SVOP: variants seen among roughly 807,000 people sequenced by gnomAD.
SVOP encodes synaptic vesicle 2-related protein.
A neutral mutation model predicts 69.1 loss-of-function variants in SVOP; 17 were observed. The observed-to-expected ratio is 0.25, with a 90% confidence interval of 0.17 to 0.37. SVOP has a LOEUF of 0.37. Among genes scored for constraint, SVOP ranks in the 10% least tolerant of loss-of-function variants. The pLI is 1.00. For synonymous variants in SVOP, 238 were observed against 238.6 expected, an observed-to-expected ratio of 1.00 and a Z score of 0.02; for missense variants, 435 against 597.5, an observed-to-expected ratio of 0.73 and a Z score of 2.84.
At chr12:108,944,390 C>A (rs375477550) in intron 7 of SVOP, among the ~76,000 whole-genome samples, 102 of 152,272 alleles carry the variant, frequency 6.7e-4, no homozygotes, top group Middle Eastern at 3.4e-3. Flanking sequence ...TGGTAAGAAG[C>A]AGATGTAGTC....
rs1002670051 is a variant in SVOP at position 108,966,761 on chromosome 12, T to C, written c.453+5644A>G. Among the ~76,000 whole-genome samples, 4 of 152,292 alleles carry C rather than the reference T, an allele frequency of 2.6e-5. No homozygotes were observed. In the East Asian group the frequency reaches 7.7e-4, roughly 29 times the overall value. ...TGGCGGGACACCATATGGGCAGCCT[T>C]CCTGGGCTTCATCTATTTGGGATGA... On this transcript the variant is annotated intron_variant, in intron 5 of 15. Transcript: ENST00000610966.
chr12:108,939,866 C>G (rs1489244628), intron 8 of SVOP, among the ~76,000 whole-genome samples: 2 of 147,350 alleles, frequency 1.4e-5, no homozygotes, highest in Non-Finnish European at 3.1e-5. Flanking sequence ...AGTGACTGTG[C>G]AGTCTCCACT....
chr12:108,958,293 C>T (rs570780813), intron 6 of SVOP, among the ~76,000 whole-genome samples: 4 of 138,594 alleles, frequency 2.9e-5, no homozygotes, highest in African/African-American at 1.0e-4. Context: ...TGTAAGGTAC[C>T]ATGCCTGGCC....
At chr12:108,993,369 T>A (rs1471975751) in intron 1 of SVOP, among the ~76,000 whole-genome samples, 3 of 91,340 alleles carry the variant, frequency 3.3e-5, no homozygotes, top group Non-Finnish European at 6.9e-5. Flanking sequence ...GTTATGTGTA[T>A]TTTGCCTTCA....
chr12:108,922,911 A>C, intron 11 of SVOP, 114 bp from the exon 12 acceptor site: 1 of 711,616 alleles, frequency 1.4e-6, no homozygotes, highest in Non-Finnish European at 2.4e-6. Flanking sequence ...CCATAGAAAG[A>C]GCCCAGACTC....
At chr12:108,985,346 A>G (rs1426800072) in intron 1 of SVOP, among the ~76,000 whole-genome samples, 1 of 151,970 alleles carries the variant, frequency 6.6e-6, no homozygotes, top group Non-Finnish European at 1.5e-5. Context: ...GGAAGGAAGG[A>G]AAGAAAAAAT....
intron 1 of SVOP, among the ~76,000 whole-genome samples, chr12:108,989,383 G>A (rs1436729198): frequency 1.3e-5 from 2 of 152,120 alleles, no homozygotes; most frequent in African/African-American, 2.4e-5. Flanking sequence ...GTGAGATGGC[G>A]ATGTTTGTGT....
At chr12:108,969,461 T>C (rs1420861108) in intron 5 of SVOP, among the ~76,000 whole-genome samples, 2 of 150,614 alleles carry the variant, frequency 1.3e-5, no homozygotes, top group African/African-American at 4.9e-5. Context: ...GGCTCCTGAG[T>C]AGCTTACAGG....
At chr12:108,992,851 A>G (rs1386896021) in intron 1 of SVOP, among the ~76,000 whole-genome samples, 1 of 152,126 alleles carries the variant, frequency 6.6e-6, no homozygotes, top group Non-Finnish European at 1.5e-5. Context: ...AAAACTGCAC[A>G]CTTTAATTGA....
rs1339472475 is a variant in SVOP at position 108,992,873 on chromosome 12, GA to G, written c.36-9113del. Among the ~76,000 whole-genome samples, 33 of 151,904 alleles carry G rather than the reference GA, an allele frequency of 2.2e-4. No homozygotes were observed. The East Asian group carries it at 6.2e-3, about 28-fold the overall frequency. ...CACACTTTAATTGATGGTTAAGATG[GA>G]AAAAAATAAAAAATAAATAAAATGG... On this transcript the variant is annotated intron_variant, in intron 1 of 15. Coordinates refer to ENST00000610966, the MANE Select transcript of SVOP (RefSeq NM_018711.5).
At chr12:109,018,511 C>T (rs191702891) in intron 1 of SVOP, among the ~76,000 whole-genome samples, 1 of 152,300 alleles carries the variant, frequency 6.6e-6, no homozygotes, top group Admixed American at 6.5e-5. Context: ...CAACCCTCTA[C>T]AAGGCACTCT....
chr12:108,998,739 T>C (rs1212096567), intron 1 of SVOP, among the ~76,000 whole-genome samples: 3 of 150,600 alleles, frequency 2.0e-5, no homozygotes, highest in African/African-American at 7.3e-5. Context: ...AGAAATAAAA[T>C]ACTTTACAGA....
At position 108,972,291 on chromosome 12, in the gene SVOP, A is replaced by G. The variant is rs1040501721; in HGVS notation, c.453+114T>C. ...AGCAATGTCTTCTCACTGTACTTCA[A>G]CATCATCCTTATTAGGCCTCCCAAC... On this transcript the variant is annotated intron_variant, in intron 5 of 15. Transcript: ENST00000610966. 11 of 985,914 alleles carry G rather than the reference A, an allele frequency of 1.1e-5. No individual in the cohort carries two copies. In the Admixed American group the frequency reaches 2.0e-4, roughly 18 times the overall value. The allele number at this position is 985,914 out of a possible 1,614,324, so 61.1% of individuals were successfully genotyped here. A position where few individuals can be genotyped will look rare whatever the true frequency, so the allele number is the denominator to read the frequency against.
chr12:109,005,414 G>A (rs974059810), intron 1 of SVOP, among the ~76,000 whole-genome samples: 2 of 152,280 alleles, frequency 1.3e-5, no homozygotes, highest in South Asian at 4.1e-4. Flanking sequence ...GAGCCTAGCA[G>A]GACCATTCAG....
chr12:108,945,549 T>G (rs963114303), intron 6 of SVOP, among the ~76,000 whole-genome samples: 2 of 151,796 alleles, frequency 1.3e-5, no homozygotes, highest in Non-Finnish European at 2.9e-5. Flanking sequence ...GCACCACCAC[T>G]CCTGGCTAAT....
intron 2 of SVOP, among the ~76,000 whole-genome samples, chr12:108,981,870 T>C (rs2040136959): frequency 6.6e-6 from 1 of 152,102 alleles, no homozygotes. Context: ...GTCATTATAC[T>C]GTCATCCCCA....
chr12:108,909,167 T>C lies in SVOP; in HGVS notation c.*3368A>G, dbSNP rs2039664833. On this transcript the variant is annotated 3_prime_UTR_variant, in exon 16 of 16. Coordinates refer to ENST00000610966, the MANE Select transcript of SVOP (RefSeq NM_018711.5). ...AGAAGCTGGGTTCTTGATAACATTG[T>C]TGAGCGTTGAACCTTCTCTGATCTC... 1 of 152,194 alleles carries C rather than the reference T, an allele frequency of 6.6e-6. No homozygotes were observed. Among genetic ancestry groups the C allele is most frequent in the Admixed American group, 6.5e-5 (1 of 15,272 alleles). 9.4% of individuals were successfully genotyped at this position (152,194 alleles called of 1,614,324 possible).
chr12:108,996,415 G>A (rs749103853), intron 1 of SVOP, among the ~76,000 whole-genome samples: 2 of 152,046 alleles, frequency 1.3e-5, no homozygotes, highest in Non-Finnish European at 2.9e-5. Context: ...AAAATTAGCT[G>A]TGCATGGTGA....
intron 1 of SVOP, among the ~76,000 whole-genome samples, chr12:108,986,315 C>T (rs1485738034): frequency 6.6e-6 from 1 of 152,180 alleles, no homozygotes; most frequent in Non-Finnish European, 1.5e-5. Context: ...GGGATTCAAC[C>T]ACAGGTTTAT....
Sources: allele counts gnomAD v4.1 joint callset (sites outside exome capture counted in the v4.1 genomes callset), GRCh38; gene constraint gnomAD v4.1.1; transcripts MANE v1.5; gene names NCBI Gene and HGNC (gene_info 2026-07-23, HGNC 2026-07-21).